Variants in CNTN6 observed in about 807,000 individuals in gnomAD.
CNTN6 encodes contactin-6.
In CNTN6, 137 loss-of-function variants were observed where a neutral mutation model predicts 122.8. The ratio of observed to expected loss-of-function variants is 1.12; its 90% CI spans 0.97 to 1.29. CNTN6 has a LOEUF of 1.29. CNTN6 is among the 50% of genes most tolerant of loss of function. The pLI is 0.00. For synonymous variants in CNTN6, 570 were observed against 426.0 expected (o/e 1.34, Z -4.16); for missense variants, 1,634 against 1,223.4 (o/e 1.34, Z -5.01).
In CNTN6 at chr3:1,370,598, C is replaced by T. The variant is rs547432752; in HGVS notation, c.1493-1701C>T. Among the ~76,000 whole-genome samples, 21 of 152,228 alleles carry T rather than the reference C, an allele frequency of 1.4e-4. No homozygotes were observed. The South Asian group carries it at 4.1e-3, about 30-fold the overall frequency. On this transcript the variant is annotated intron_variant, in intron 12 of 22. Coordinates refer to ENST00000446702, the MANE Select transcript of CNTN6 (RefSeq NM_001289080.2). ...AGGTGCAGTGATTAACGCCTGTAAT[C>T]TCAGCACTTGGGAGGCCAAGTCAGG...
intron 20 of CNTN6, among the ~76,000 whole-genome samples, chr3:1,386,759 AAAGACT>A (rs529821102): frequency 7.6e-4 from 116 of 152,334 alleles, no homozygotes; most frequent in African/African-American, 2.6e-3. Context: ...GAATTTTGAG[AAAGACT>A]AAGACAAATT....
At chr3:1,194,922 C>A (rs909999343) in intron 2 of CNTN6, among the ~76,000 whole-genome samples, 1 of 151,992 alleles carries the variant, frequency 6.6e-6, no homozygotes, top group Non-Finnish European at 1.5e-5. Context: ...TCTGGAAAGA[C>A]TGCCCTTTCC....
At chr3:1,386,214 TTAATAA>T (rs775926470) in intron 20 of CNTN6, among the ~76,000 whole-genome samples, 3 of 151,384 alleles carry the variant, frequency 2.0e-5, no homozygotes, top group Non-Finnish European at 4.4e-5. Context: ...AAAGAGATTA[TTAATAA>T]TAAGTGTCCA....
chr3:1,292,644 G>A (rs990186182), intron 5 of CNTN6, among the ~76,000 whole-genome samples: 5 of 152,172 alleles, frequency 3.3e-5, no homozygotes, highest in African/African-American at 1.2e-4. Flanking sequence ...GAACGGTTCA[G>A]AGTAAGAATA....
Position 1,339,964 on chromosome 3 carries a change from A to C in CNTN6, c.1364+10029A>C, listed in dbSNP as rs575708525. Among the ~76,000 whole-genome samples the C allele has an allele frequency of 9.2e-5, 14 of 152,302 alleles. No individual in the cohort carries two copies. In the Middle Eastern group the frequency reaches 0.01, roughly 111 times the overall value. ...TTATATAAGAATAATAATGATGATG[A>C]TATATCCATTTATATGCTATCCATC... is the stretch of plus-strand genomic sequence containing the variant. On this transcript the variant is annotated intron_variant, in intron 11 of 22. Coordinates refer to ENST00000446702, the MANE Select transcript of CNTN6 (RefSeq NM_001289080.2).
intron 2 of CNTN6, among the ~76,000 whole-genome samples, chr3:1,164,872 T>C (rs1279356190): frequency 2.6e-5 from 4 of 152,170 alleles, no homozygotes; most frequent in Non-Finnish European, 5.9e-5. Flanking sequence ...TGCATAAAAA[T>C]TAAGGACTCA....
chr3:1,310,966 A>C (rs1454229874), intron 7 of CNTN6, among the ~76,000 whole-genome samples: 1 of 152,082 alleles, frequency 6.6e-6, no homozygotes, highest in East Asian at 1.9e-4. Flanking sequence ...GTGCCATTGC[A>C]GTTCCCAAAG....
intron 5 of CNTN6, among the ~76,000 whole-genome samples, chr3:1,280,459 A>ATGTTTTTTTTTTT (rs1693174891): frequency 1.5e-5 from 1 of 66,652 alleles, no homozygotes; most frequent in Non-Finnish European, 2.7e-5. Context: ...TGTAATACCA[A>ATGTTTTTTTTTTT]TTTTTTTTTT....
intron 2 of CNTN6, among the ~76,000 whole-genome samples, chr3:1,158,867 CATATATATACACATATATACACACAT>C (rs2093049422): frequency 9.0e-5 from 2 of 22,328 alleles, no homozygotes; most frequent in African/African-American, 2.1e-4. Flanking sequence ...TATATACACA[CATATATATACACATATATACACACAT>C]ATATATACAC....
At chr3:1,234,333 G>T (rs762482557) in intron 4 of CNTN6, among the ~76,000 whole-genome samples, 7 of 152,148 alleles carry the variant, frequency 4.6e-5, no homozygotes, top group Admixed American at 2.0e-4. Flanking sequence ...AGGATTCTAA[G>T]ATATTTGTGT....
chr3:1,135,606 A>G (rs1199547864), intron 1 of CNTN6, among the ~76,000 whole-genome samples: 1 of 152,232 alleles, frequency 6.6e-6, no homozygotes, highest in African/African-American at 2.4e-5. Context: ...ACACATACAT[A>G]AATACACTGT....
chr3:1,301,249 C>T (rs985503398), intron 7 of CNTN6, among the ~76,000 whole-genome samples: 1 of 151,934 alleles, frequency 6.6e-6, no homozygotes, highest in Non-Finnish European at 1.5e-5. Context: ...GTTGGCCAGG[C>T]TTGTCTCTAA....
intron 11 of CNTN6, among the ~76,000 whole-genome samples, chr3:1,332,294 G>C (rs1702399590): frequency 6.6e-6 from 1 of 151,938 alleles, no homozygotes; most frequent in South Asian, 2.1e-4. Context: ...ACACTTTCTA[G>C]CTTGTCCTTT....
chr3:1,178,251 C>A (rs1220166531), intron 2 of CNTN6, among the ~76,000 whole-genome samples: 1 of 152,040 alleles, frequency 6.6e-6, no homozygotes, highest in African/African-American at 2.4e-5. Context: ...TTACACTCAG[C>A]TCTTAGATGC....
At chr3:1,102,976 G>C (rs952488556) in intron 1 of CNTN6, among the ~76,000 whole-genome samples, 1 of 145,972 alleles carries the variant, frequency 6.9e-6, no homozygotes. Context: ...GCGTGGTGGC[G>C]GCGCCTGTGG....
intron 12 of CNTN6, among the ~76,000 whole-genome samples, chr3:1,364,884 T>C (rs1032901783): frequency 1.3e-5 from 2 of 152,002 alleles, no homozygotes; most frequent in African/African-American, 4.8e-5. Flanking sequence ...TGTTTTTATA[T>C]AATAACTTTT....
intron 2 of CNTN6, among the ~76,000 whole-genome samples, chr3:1,184,047 A>G (rs990413710): frequency 6.6e-6 from 1 of 152,190 alleles, no homozygotes; most frequent in Non-Finnish European, 1.5e-5. Flanking sequence ...GCTTCATTAC[A>G]GTGTGCAATT....
intron 7 of CNTN6, among the ~76,000 whole-genome samples, chr3:1,307,471 A>ACCC (rs200885388): frequency 2.6e-4 from 38 of 148,696 alleles, no homozygotes; most frequent in East Asian, 1.6e-3. Flanking sequence ...GTCCAATATA[A>ACCC]CCCCCCCACA....
intron 1 of CNTN6, among the ~76,000 whole-genome samples, chr3:1,136,596 T>G (rs956829883): frequency 6.6e-6 from 1 of 152,162 alleles, no homozygotes; most frequent in Non-Finnish European, 1.5e-5. Context: ...ATAAACACAC[T>G]GTAGGAAGCC....
Sources: gnomAD v4.1 joint callset for allele counts (sites outside exome capture counted in the v4.1 genomes callset) on GRCh38, gnomAD v4.1.1 for gene constraint, MANE v1.5 for transcripts, NCBI Gene and HGNC (gene_info 2026-07-23, HGNC 2026-07-21) for gene names.